Variants in CDX1 observed in about 807,000 individuals in gnomAD.
CDX1 encodes the protein homeobox protein CDX-1.
Under a neutral mutation model 16.9 loss-of-function variants are expected in CDX1, and 9 were observed. The ratio of observed to expected loss-of-function variants is 0.53; its 90% CI spans 0.32 to 0.93. The LOEUF (loss-of-function observed/expected upper bound fraction) is 0.93, where lower values mean the gene tolerates loss of function less well. Among genes scored for constraint, CDX1 ranks in the 40% least tolerant of loss-of-function variants. The pLI is 0.04. For missense variants in CDX1, 393 were observed against 386.1 expected (o/e 1.02, Z -0.15); for synonymous variants, 179 against 179.0 (o/e 1.00, Z 0.00).
chr5:150,176,972 A>G (rs1033328579), intron 1 of CDX1, among the ~76,000 whole-genome samples: 7 of 152,222 alleles, frequency 4.6e-5, no homozygotes, highest in African/African-American at 1.7e-4. Context: ...AGGTTTTCAG[A>G]GCTGGATTTG....
At position 150,183,683 on chromosome 5, in the gene CDX1, C is replaced by T. The variant is rs753762260; in HGVS notation, c.*3C>T. 3.9e-6 allele frequency: 6 copies of T among 1,544,836 alleles called. No homozygotes were observed. Among genetic ancestry groups the T allele is most frequent in the Non-Finnish European group, 3.5e-6 (4 of 1,142,378 alleles). The stretch of plus-strand genomic sequence containing the variant: ...TGAAAGAGGAGTTTCTGCCATAGCC[C>T]CATGCCCAGCCTGTGCGCCGGGGGA... On this transcript the variant is annotated 3_prime_UTR_variant, in exon 3 of 3. Transcript: ENST00000231656.
intron 1 of CDX1, among the ~76,000 whole-genome samples, chr5:150,178,882 A>G (rs1301730920): frequency 6.6e-6 from 1 of 152,054 alleles, no homozygotes; most frequent in African/African-American, 2.4e-5. Flanking sequence ...AAATTGTTCC[A>G]TACTGGGATA....
Position 150,182,797 on chromosome 5 carries a change from G to T in CDX1, c.475G>T (p.Val159Leu). 6.2e-7 allele frequency: 1 copy of T among 1,604,872 alleles called. No homozygotes were observed. The highest frequency in any genetic ancestry group is 8.5e-7 in the Non-Finnish European group (1 of 1,175,998). Reference sequence around the variant, plus strand: ...GACTCGGACCAAGGACAAGTACCGCGTGGTCTACACCGACCACCAACGCCT... The same window carrying T: ...GACTCGGACCAAGGACAAGTACCGCTTGGTCTACACCGACCACCAACGCCT... ...GKTRTKDKYR[V>L]VYTDHQRLEL... Residue 159 changes from valine (V) to leucine (L), a missense_variant, in exon 2 of 3, where the codon GTG (valine) becomes TTG (leucine). Val to Leu is a conservative substitution (Grantham distance 32). Transcript: ENST00000231656.
intron 1 of CDX1, among the ~76,000 whole-genome samples, chr5:150,175,040 G>A (rs1018903960): frequency 1.3e-5 from 2 of 151,980 alleles, no homozygotes; most frequent in African/African-American, 2.4e-5. Context: ...GCCTCCCAAA[G>A]TGCTGGGATT....
chr5:150,179,272 G>T (rs1469890816), intron 1 of CDX1, among the ~76,000 whole-genome samples: 1 of 152,220 alleles, frequency 6.6e-6, no homozygotes, highest in African/African-American at 2.4e-5. Flanking sequence ...AGCTCCACCA[G>T]AGAGAAGTTG....
intron 1 of CDX1, among the ~76,000 whole-genome samples, chr5:150,173,869 G>A (rs1761536959): frequency 6.6e-6 from 1 of 152,220 alleles, no homozygotes; most frequent in African/African-American, 2.4e-5. Flanking sequence ...GACTTGGGGA[G>A]CAAGGGAGAC....
At position 150,183,772 on chromosome 5, in the gene CDX1, G is replaced by A; in HGVS notation, c.*92G>A. The A allele has an allele frequency of 9.4e-7, 1 of 1,061,368 alleles. No individual in the cohort carries two copies. Among genetic ancestry groups the A allele is most frequent in the South Asian group, 1.9e-5 (1 of 51,362 alleles). 65.7% of individuals were successfully genotyped at this position (1,061,368 alleles called of 1,614,324 possible). A position where few individuals can be genotyped will look rare whatever the true frequency, so the allele number is the denominator to read the frequency against. On this transcript the variant is annotated 3_prime_UTR_variant, in exon 3 of 3. Transcript: ENST00000231656. ...CCCAGGAGGTCTGGTCCGAGTCTCA[G>A]CCCTGACCTTCTGGGACATGGTGGA...
rs181143391 is a variant in CDX1 at position 150,178,286 on chromosome 5, G to A, written c.446-4482G>A. ...CTGGAGAGAGAAAGCCTCCCATTTC[G>A]GTGAGTTACCCAAGGCTCTTCCCCT... On this transcript the variant is annotated intron_variant, in intron 1 of 2. Coordinates refer to ENST00000231656, the MANE Select transcript of CDX1 (RefSeq NM_001804.3). Among the ~76,000 whole-genome samples, 1,320 of 152,260 alleles carry A rather than the reference G, an allele frequency of 8.7e-3. 9 individuals are homozygous for A. The highest frequency in any genetic ancestry group is 0.014 in the Non-Finnish European group (950 of 68,020).
Position 150,167,172 on chromosome 5 carries a change from G to C in CDX1, c.296G>C (p.Ser99Thr), listed in dbSNP as rs947083016. 46 of 1,279,634 alleles carry C rather than the reference G, an allele frequency of 3.6e-5. No homozygotes were observed. Among genetic ancestry groups the C allele is most frequent in the African/African-American group, 4.7e-5 (3 of 64,258 alleles). 79.3% of individuals were successfully genotyped at this position (1,279,634 alleles called of 1,614,324 possible). Residue 99 changes from serine (S) to threonine (T), a missense_variant, in exon 1 of 3, where the codon AGC becomes ACC. Coordinates refer to ENST00000231656, the MANE Select transcript of CDX1 (RefSeq NM_001804.3). Reference sequence around the variant, plus strand: ...GCATTCGGGCCCCCTCCAGACTTTAGCCCGGTGCCGGCGCCCCCTGGGCCC... The same window carrying C: ...GCATTCGGGCCCCCTCCAGACTTTACCCCGGTGCCGGCGCCCCCTGGGCCC... Reference protein sequence around the residue: ...SLAFGPPPDFSPVPAPPGPGP... With the variant: ...SLAFGPPPDFTPVPAPPGPGP...
intron 1 of CDX1, among the ~76,000 whole-genome samples, chr5:150,175,907 T>G (rs984880882): frequency 2.0e-5 from 3 of 152,208 alleles, no homozygotes; most frequent in Non-Finnish European, 4.4e-5. Context: ...AATAGCTGTT[T>G]TCTCCTTTTT....
intron 2 of CDX1, 56 bp downstream of exon 2, chr5:150,182,969 GGCT>G: frequency 1.9e-6 from 3 of 1,539,878 alleles, no homozygotes; most frequent in Non-Finnish European, 2.6e-6. Flanking sequence ...CTGGTCTCCA[GGCT>G]GCCAGGCAGA....
chr5:150,167,214 C>A lies in CDX1; in HGVS notation c.338C>A (p.Ala113Glu), dbSNP rs1304716556. The A allele has an allele frequency of 1.6e-6, 2 of 1,262,856 alleles. No individual in the cohort carries two copies. The highest frequency in any genetic ancestry group is 3.2e-5 in the East Asian group (1 of 31,494). The allele number at this position is 1,262,856 out of a possible 1,614,324, so 78.2% of individuals were successfully genotyped here. A position where few individuals can be genotyped will look rare whatever the true frequency, so the allele number is the denominator to read the frequency against. ...CCTGGGCCCGGCCCGGGCCTCCTGG[C>A]GCAGCCCCTCGGGGGCCCGGGCACA... ...APPGPGPGLL[A>E]QPLGGPGTPS... is the part of the protein sequence containing the mutation. The change falls in exon 1 of 3, where the codon GCG becomes GAG. Residue 113 changes from alanine (A) to glutamate (E), a missense_variant. By Grantham distance (107) the Ala-to-Glu change is moderately radical. Coordinates refer to ENST00000231656, the MANE Select transcript of CDX1 (RefSeq NM_001804.3).
intron 1 of CDX1, among the ~76,000 whole-genome samples, chr5:150,177,963 C>T (rs146970143): frequency 1.2e-4 from 18 of 152,254 alleles, no homozygotes; most frequent in South Asian, 6.2e-4. Context: ...AGGTCTTCAC[C>T]GGCAGCCTTG....
intron 1 of CDX1, among the ~76,000 whole-genome samples, chr5:150,168,239 T>C (rs905251940): frequency 6.6e-6 from 1 of 152,198 alleles, no homozygotes; most frequent in African/African-American, 2.4e-5. Flanking sequence ...CACCCTTTGA[T>C]GTCCAGCCCC....
Position 150,167,224 on chromosome 5 carries a change from C to T in CDX1, c.348C>T (p.Leu116=), listed in dbSNP as rs1761439084. The T allele has an allele frequency of 4.8e-6, 6 of 1,260,978 alleles. No homozygotes were observed. The highest frequency in any genetic ancestry group is 3.0e-6 in the Non-Finnish European group (3 of 1,007,826). 78.1% of individuals were successfully genotyped at this position (1,260,978 alleles called of 1,614,324 possible). Residue 116 remains leucine (L), a synonymous_variant, in exon 1 of 3, where the codon CTC becomes CTT. Coordinates refer to ENST00000231656, the MANE Select transcript of CDX1 (RefSeq NM_001804.3). The part of the protein sequence containing the change: ...GPGPGLLAQP[L]GGPGTPSSPG... ...GCCCGGGCCTCCTGGCGCAGCCCCTCGGGGGCCCGGGCACACCGTCCTCGC... is the reference window on the plus strand; with the variant it reads ...GCCCGGGCCTCCTGGCGCAGCCCCTTGGGGGCCCGGGCACACCGTCCTCGC...
intron 1 of CDX1, among the ~76,000 whole-genome samples, chr5:150,179,614 A>G (rs1761614894): frequency 6.6e-6 from 1 of 152,152 alleles, no homozygotes; most frequent in Non-Finnish European, 1.5e-5. Flanking sequence ...CTAGGACTCT[A>G]AGGAAAAAGC....
chr5:150,183,773 C>A lies in CDX1; in HGVS notation c.*93C>A. The A allele has an allele frequency of 2.9e-6, 3 of 1,049,258 alleles. No homozygotes were observed. Among genetic ancestry groups the A allele is most frequent in the Non-Finnish European group, 4.0e-6 (3 of 745,348 alleles). The allele number at this position is 1,049,258 out of a possible 1,614,324, so 65.0% of individuals were successfully genotyped here. The stretch of plus-strand genomic sequence containing the variant: ...CCAGGAGGTCTGGTCCGAGTCTCAG[C>A]CCTGACCTTCTGGGACATGGTGGAC... On this transcript the variant is annotated 3_prime_UTR_variant, in exon 3 of 3. Coordinates refer to ENST00000231656, the MANE Select transcript of CDX1 (RefSeq NM_001804.3).
intron 1 of CDX1, among the ~76,000 whole-genome samples, chr5:150,168,335 G>T (rs1043326818): frequency 1.3e-5 from 2 of 152,200 alleles, no homozygotes; most frequent in African/African-American, 2.4e-5. Context: ...CACACACCCA[G>T]CTTGCCTCGG....
intron 1 of CDX1, among the ~76,000 whole-genome samples, chr5:150,167,660 G>A (rs780724519): frequency 5.9e-5 from 9 of 152,222 alleles, no homozygotes; most frequent in Non-Finnish European, 1.2e-4. Flanking sequence ...CACCGACTCC[G>A]TGCTCTTCAT....
Sources: gnomAD v4.1 joint callset for allele counts (sites outside exome capture counted in the v4.1 genomes callset) on GRCh38, gnomAD v4.1.1 for gene constraint, MANE v1.5 for transcripts, NCBI Gene and HGNC (gene_info 2026-07-23, HGNC 2026-07-21) for gene names.